GPHN: variants seen among roughly 807,000 people sequenced by gnomAD.
GPHN encodes the protein gephyrin.
In GPHN, 17 loss-of-function variants were observed where a neutral mutation model predicts 95.5. The ratio of observed to expected loss-of-function variants is 0.18; its 90% CI spans 0.12 to 0.27. GPHN has a LOEUF of 0.27. GPHN is among the 10% of genes least tolerant of loss of function. GPHN has a pLI of 1.00. For missense variants in GPHN, 660 were observed against 978.1 expected, an observed-to-expected ratio of 0.67 and a Z score of 4.34; for synonymous variants, 320 against 322.5, an observed-to-expected ratio of 0.99 and a Z score of 0.08.
chr14:67,541,591 T>C, the GPHN span, among the ~76,000 whole-genome samples: 7 of 152,188 alleles, frequency 4.6e-5, no homozygotes, highest in Admixed American at 3.9e-4. Flanking sequence ...AGGTTCTCCT[T>C]AAGGTTTCTC....
At chr14:67,342,557 CTT>C in the GPHN span, among the ~76,000 whole-genome samples, 1 of 136,980 alleles carries the variant, frequency 7.3e-6, no homozygotes, top group African/African-American at 2.7e-5. Context: ...ACGAATTATC[CTT>C]TTTTTTTTTT....
chr14:66,722,494 AG>A (rs1300775078), intron 2 of GPHN, among the ~76,000 whole-genome samples: 1 of 152,130 alleles, frequency 6.6e-6, no homozygotes, highest in Admixed American at 6.5e-5. Flanking sequence ...TCCAGGCTGG[AG>A]TGCAGTGTAG....
intron 1 of GPHN, among the ~76,000 whole-genome samples, chr14:66,621,123 C>G (rs944214308): frequency 6.9e-6 from 1 of 145,524 alleles, no homozygotes; most frequent in Non-Finnish European, 1.5e-5. Context: ...CACCACCAAG[C>G]CCAGCCAATT....
intron 1 of GPHN, among the ~76,000 whole-genome samples, chr14:66,638,256 GA>G (rs2064208065): frequency 6.6e-6 from 1 of 151,886 alleles, no homozygotes. Context: ...CAACATAGTG[GA>G]ACCCTATCTC....
At chr14:66,956,974 G>A (rs866015546) in intron 8 of GPHN, among the ~76,000 whole-genome samples, 3 of 107,410 alleles carry the variant, frequency 2.8e-5, no homozygotes, top group East Asian at 3.3e-4. Context: ...TGGGGTGGGG[G>A]GAGGGGGGAG....
intron 1 of GPHN, among the ~76,000 whole-genome samples, chr14:66,572,047 A>T (rs566424319): frequency 1.6e-4 from 25 of 152,180 alleles, no homozygotes; most frequent in Non-Finnish European, 3.7e-4. Context: ...TCCATTGTGC[A>T]TTCTTGACAT....
chr14:66,730,613 G>A lies in GPHN; in HGVS notation c.144-45851G>A, dbSNP rs112333004. On this transcript the variant is annotated intron_variant, in intron 2 of 22. Coordinates refer to ENST00000478722, the MANE Select transcript of GPHN (RefSeq NM_020806.5). Reference sequence around the variant, plus strand: ...AGTAATATTAAAATAGTTATACATCGTTTTTTAAACACTATGTTCAAGGCA... The same window carrying A: ...AGTAATATTAAAATAGTTATACATCATTTTTTAAACACTATGTTCAAGGCA... 4.3e-3 allele frequency among the ~76,000 whole-genome samples: 661 copies of A among 152,082 alleles called. 11 individuals are homozygous for A. Among genetic ancestry groups the A allele is most frequent in the African/African-American group, 0.013 (525 of 41,482 alleles).
the GPHN span, chr14:67,333,821 A>G: frequency 6.6e-6 from 1 of 152,598 alleles, no homozygotes; most frequent in Non-Finnish European, 1.5e-5. Flanking sequence ...TGACTTAAAA[A>G]GTTTCTTCCT....
In GPHN at chr14:67,143,447, A is replaced by G; in HGVS notation, c.1834A>G (p.Lys612Glu). 6.4e-7 allele frequency: 1 copy of G among 1,556,732 alleles called. No homozygotes were observed. Among genetic ancestry groups the G allele is most frequent in the Non-Finnish European group, 8.9e-7 (1 of 1,127,756 alleles). The change falls in exon 18 of 23, where the codon AAG (lysine) becomes GAG (glutamate). Residue 612 changes from lysine (K) to glutamate (E), a missense_variant and splice_region_variant. Around this residue, in one of 6 missense-constraint regions of GPHN, gnomAD observed 257 missense variants for 376.2 expected, o/e 0.68. Transcript: ENST00000478722. ...ATCAGGGGGTGTATCCATGGGGGAA[A>G]AGGTATGAAAGATAGGGCTCGTGAA... ...ITSGGVSMGE[K>E]DYLKQVLDID...
chr14:66,759,095 C>G (rs548883712), intron 2 of GPHN, among the ~76,000 whole-genome samples: 2 of 152,140 alleles, frequency 1.3e-5, no homozygotes, highest in African/African-American at 4.8e-5. Flanking sequence ...TTATTTTTCA[C>G]GTAGGCTTTT....
chr14:67,642,090 T>A, the GPHN span: 2 of 1,165,976 alleles, frequency 1.7e-6, no homozygotes, highest in South Asian at 2.8e-5. Context: ...ATGATTATGA[T>A]GTGTACTTTG....
intron 10 of GPHN, among the ~76,000 whole-genome samples, chr14:67,032,732 T>C (rs1242713299): frequency 6.6e-6 from 1 of 152,048 alleles, no homozygotes; most frequent in Non-Finnish European, 1.5e-5. Flanking sequence ...TTCAAAAAGG[T>C]TTCAGAGGCC....
the GPHN span, chr14:67,360,307 G>GCGCATGCGAGGAGGTTC: frequency 2.5e-6 from 1 of 398,544 alleles, no homozygotes; most frequent in Non-Finnish European, 4.4e-6. Context: ...TTCAGCGCTT[G>GCGCATGCGAGGAGGTTC]CGCATGCGAG....
intron 5 of GPHN, 66 bp downstream of exon 5, chr14:66,880,099 A>C: frequency 2.0e-6 from 2 of 990,744 alleles, no homozygotes; most frequent in Non-Finnish European, 3.2e-6. Context: ...TATTAAAAAA[A>C]ATCTACACTT....
chr14:66,522,391 T>C (rs941934771), intron 1 of GPHN, among the ~76,000 whole-genome samples: 2 of 152,184 alleles, frequency 1.3e-5, no homozygotes, highest in Non-Finnish European at 2.9e-5. Context: ...ATGTATTATA[T>C]GAAAATGCTT....
intron 3 of GPHN, among the ~76,000 whole-genome samples, chr14:66,786,181 C>A (rs189823626): frequency 6.6e-6 from 1 of 152,146 alleles, no homozygotes; most frequent in African/African-American, 2.4e-5. Context: ...GCACAATCAC[C>A]AATGTCATGA....
chr14:67,137,396 T>C (rs1413041917), intron 17 of GPHN, among the ~76,000 whole-genome samples: 2 of 151,626 alleles, frequency 1.3e-5, no homozygotes, highest in East Asian at 4.1e-4. Flanking sequence ...CCACCTGCCT[T>C]GGCCTCCCAA....
At chr14:67,128,241 A>T (rs1250882308) in intron 17 of GPHN, among the ~76,000 whole-genome samples, 2 of 151,936 alleles carry the variant, frequency 1.3e-5, no homozygotes, top group Non-Finnish European at 2.9e-5. Flanking sequence ...ATATACTTTT[A>T]AGCACAACCC....
chr14:67,534,565 T>A, the GPHN span, among the ~76,000 whole-genome samples: 1 of 152,154 alleles, frequency 6.6e-6, no homozygotes, highest in Non-Finnish European at 1.5e-5. Context: ...GAGCCATAAC[T>A]GAAACCCAAG....
Sources: gnomAD v4.1 joint callset for allele counts (sites outside exome capture counted in the v4.1 genomes callset) on GRCh38, gnomAD v4.1.1 for gene constraint, gnomAD v4.1.1 regional missense constraint, MANE v1.5 for transcripts, NCBI Gene and HGNC (gene_info 2026-07-23, HGNC 2026-07-21) for gene names.